GABRG3: variants seen among roughly 807,000 people sequenced by gnomAD.
GABRG3 encodes the protein gamma-aminobutyric acid receptor subunit gamma-3.
GABRG3 carries 25 observed loss-of-function variants against 48.8 expected under a neutral mutation model. The ratio of observed to expected loss-of-function variants is 0.51; its 90% CI spans 0.37 to 0.72. The LOEUF is 0.72. Ranked by LOEUF, GABRG3 falls within the 30% of genes least tolerant of loss-of-function variation. The pLI is 0.00. For synonymous variants in GABRG3, 227 were observed against 217.6 expected (o/e 1.04, Z -0.38); for missense variants, 394 against 577.9 (o/e 0.68, Z 3.26).
At chr15:27,092,445 A>T (rs965853748) in intron 3 of GABRG3, among the ~76,000 whole-genome samples, 1 of 152,120 alleles carries the variant, frequency 6.6e-6, no homozygotes, top group East Asian at 1.9e-4. Flanking sequence ...AGACCTCACT[A>T]TCTGGTCCTG....
chr15:27,456,715 T>C (rs866868621), intron 5 of GABRG3, among the ~76,000 whole-genome samples: 6 of 152,104 alleles, frequency 3.9e-5, no homozygotes, highest in African/African-American at 1.4e-4. Context: ...ATAGGCAGGC[T>C]GTACTGGGTG....
intron 2 of GABRG3, among the ~76,000 whole-genome samples, chr15:26,992,319 G>T (rs1895264195): frequency 6.6e-6 from 1 of 152,150 alleles, no homozygotes; most frequent in African/African-American, 2.4e-5. Flanking sequence ...GATCTTAGAG[G>T]AAAGGCTTTC....
intron 5 of GABRG3, among the ~76,000 whole-genome samples, chr15:27,479,454 A>G (rs4778109): frequency 0.69 from 104,899 of 152,114 alleles, 36,684 homozygotes; most frequent in African/African-American, 0.81. Context: ...CTGTGCCTGT[A>G]CTTTATTTTA....
intron 5 of GABRG3, among the ~76,000 whole-genome samples, chr15:27,330,848 G>A (rs1595682180): frequency 6.6e-6 from 1 of 152,176 alleles, no homozygotes; most frequent in East Asian, 1.9e-4. Context: ...TATTTCTGGT[G>A]TGTCGTGGTA....
At chr15:27,209,379 CT>C (rs765388766) in intron 3 of GABRG3, among the ~76,000 whole-genome samples, 4 of 150,556 alleles carry the variant, frequency 2.7e-5, no homozygotes, top group Non-Finnish European at 5.9e-5. Context: ...TCTTTCTTTT[CT>C]TTTCTTTCTT....
At chr15:27,299,612 T>A (rs955908894) in intron 3 of GABRG3, among the ~76,000 whole-genome samples, 1 of 152,052 alleles carries the variant, frequency 6.6e-6, no homozygotes, top group Admixed American at 6.6e-5. Flanking sequence ...TTTCCTCCAT[T>A]CTCTCAAAGT....
chr15:26,971,660 T>G (rs1894847389), intron 1 of GABRG3, 72 bp downstream of exon 1: 2 of 1,456,470 alleles, frequency 1.4e-6, no homozygotes, highest in South Asian at 2.7e-5. Context: ...CGCTGTCTGC[T>G]GGAGTCCCTG....
intron 3 of GABRG3, among the ~76,000 whole-genome samples, chr15:27,147,794 A>G (rs1328816143): frequency 3.3e-5 from 5 of 152,044 alleles, no homozygotes; most frequent in South Asian, 2.1e-4. Context: ...GAAACACAGT[A>G]TTCTAGAACT....
At chr15:27,310,335 TAATG>T (rs1892952970) in intron 3 of GABRG3, among the ~76,000 whole-genome samples, 1 of 152,164 alleles carries the variant, frequency 6.6e-6, no homozygotes, top group African/African-American at 2.4e-5. Flanking sequence ...TGGAAAAAGT[TAATG>T]TATGATATAA....
At chr15:27,240,595 T>C (rs1055535801) in intron 3 of GABRG3, among the ~76,000 whole-genome samples, 4 of 152,234 alleles carry the variant, frequency 2.6e-5, no homozygotes, top group African/African-American at 7.2e-5. Context: ...TTTTTCCTAA[T>C]GTTAAAATAT....
intron 3 of GABRG3, among the ~76,000 whole-genome samples, chr15:27,069,496 G>A (rs1354239548): frequency 2.0e-5 from 3 of 152,136 alleles, no homozygotes; most frequent in East Asian, 1.9e-4. Context: ...AGAGAGACTC[G>A]CGCAGGAATC....
At chr15:27,337,684 CTGTT>C (rs1446715283) in intron 5 of GABRG3, among the ~76,000 whole-genome samples, 4 of 152,106 alleles carry the variant, frequency 2.6e-5, no homozygotes, top group Admixed American at 1.3e-4. Flanking sequence ...TTTTTTCTCC[CTGTT>C]TATTTCCAGC....
chr15:27,160,692 A>G (rs1887150647), intron 3 of GABRG3, among the ~76,000 whole-genome samples: 1 of 150,792 alleles, frequency 6.6e-6, no homozygotes, highest in Non-Finnish European at 1.5e-5. Context: ...GATCTTAACC[A>G]TAGTTTCTGG....
chr15:27,307,772 ATGTT>A (rs1892694663), intron 3 of GABRG3, among the ~76,000 whole-genome samples: 1 of 113,432 alleles, frequency 8.8e-6, no homozygotes, highest in Non-Finnish European at 1.7e-5. Flanking sequence ...AAATAAACAT[ATGTT>A]TATATATAAA....
At chr15:27,401,518 A>C (rs1023141652) in intron 5 of GABRG3, among the ~76,000 whole-genome samples, 32 of 152,168 alleles carry the variant, frequency 2.1e-4, no homozygotes, top group Non-Finnish European at 1.6e-4. Flanking sequence ...CTTCTTCCTA[A>C]GTTTACAGAT....
intron 3 of GABRG3, among the ~76,000 whole-genome samples, chr15:27,040,945 A>G (rs1261804366): frequency 1.3e-5 from 2 of 152,184 alleles, no homozygotes; most frequent in African/African-American, 2.4e-5. Context: ...GTTTCTGTGA[A>G]GAGTAGGCTC....
intron 3 of GABRG3, among the ~76,000 whole-genome samples, chr15:27,113,870 G>T (rs1056454242): frequency 2.0e-5 from 3 of 152,318 alleles, no homozygotes; most frequent in South Asian, 4.1e-4. Flanking sequence ...GGAAAAGGTG[G>T]ACAAATACTT....
chr15:27,296,013 G>A lies in GABRG3; in HGVS notation c.271-30796G>A, dbSNP rs57944408. ...GTCCTACAAGTGAATTGTGGCAGGG[G>A]TCAGTGGGGCCCTCATTCTTGGTCT... is the stretch of plus-strand genomic sequence containing the variant. On this transcript the variant is annotated intron_variant, in intron 3 of 9. Coordinates refer to ENST00000615808, the MANE Select transcript of GABRG3 (RefSeq NM_033223.5). Among the ~76,000 whole-genome samples, 901 of 152,242 alleles carry A rather than the reference G, an allele frequency of 5.9e-3. 27 individuals carry two copies. The East Asian group carries it at 0.088, about 15-fold the overall frequency.
intron 5 of GABRG3, among the ~76,000 whole-genome samples, chr15:27,476,224 G>A (rs1384017434): frequency 6.6e-6 from 1 of 152,176 alleles, no homozygotes; most frequent in African/African-American, 2.4e-5. Context: ...TGATATCAGA[G>A]TTGTTCCAAT....
Sources: allele counts gnomAD v4.1 joint callset (sites outside exome capture counted in the v4.1 genomes callset), GRCh38; gene constraint gnomAD v4.1.1; transcripts MANE v1.5; gene names NCBI Gene and HGNC (gene_info 2026-07-23, HGNC 2026-07-21).